ROBO1: variants seen among roughly 807,000 people sequenced by gnomAD.
ROBO1 encodes the protein roundabout guidance receptor 1, also known as roundabout homolog 1.
In ROBO1, 149 loss-of-function variants were observed where a neutral mutation model predicts 195.9. The observed-to-expected ratio is 0.76, with a 90% CI of 0.67 to 0.87. The LOEUF (loss-of-function observed/expected upper bound fraction) is 0.87. Ranked by LOEUF, ROBO1 falls within the 40% of genes least tolerant of loss-of-function variation. The pLI, the probability that ROBO1 is intolerant of heterozygous loss-of-function variation, is 0.00. For synonymous variants in ROBO1, 816 were observed against 733.2 expected, an observed-to-expected ratio of 1.11 and a Z score of -1.82; for missense variants, 1,933 against 2,068.3, an observed-to-expected ratio of 0.93 and a Z score of 1.27.
intron 4 of ROBO1, among the ~76,000 whole-genome samples, chr3:78,775,047 CAT>C (rs1435877342): frequency 1.3e-5 from 2 of 152,136 alleles, no homozygotes; most frequent in Non-Finnish European, 2.9e-5. Context: ...GTAGATTTGA[CAT>C]GTCTGATTTT....
intron 3 of ROBO1, among the ~76,000 whole-genome samples, chr3:79,055,455 A>G (rs999534228): frequency 2.0e-5 from 3 of 151,970 alleles, no homozygotes; most frequent in African/African-American, 7.2e-5. Flanking sequence ...CCTCACTTAA[A>G]CATCCTGCTA....
chr3:79,662,031 C>T (rs1037831968), intron 1 of ROBO1, among the ~76,000 whole-genome samples: 1 of 151,734 alleles, frequency 6.6e-6, no homozygotes, highest in East Asian at 1.9e-4. Flanking sequence ...AAGAGCAGTC[C>T]TTTTTTACAG....
chr3:79,569,645 A>ATG (rs112113543), intron 2 of ROBO1, among the ~76,000 whole-genome samples: 5,157 of 142,180 alleles, frequency 0.036, 191 homozygotes, highest in East Asian at 0.11. Context: ...ATGTATAGAT[A>ATG]TGTGTGTGTG....
At chr3:79,120,107 C>T (rs2080088382) in intron 3 of ROBO1, among the ~76,000 whole-genome samples, 1 of 151,964 alleles carries the variant, frequency 6.6e-6, no homozygotes, top group East Asian at 1.9e-4. Flanking sequence ...GATAGTATAC[C>T]TCATATACCC....
At chr3:79,539,359 A>G (rs1341842668) in intron 2 of ROBO1, among the ~76,000 whole-genome samples, 3 of 152,142 alleles carry the variant, frequency 2.0e-5, no homozygotes, top group African/African-American at 7.2e-5. Context: ...CAAATGCAAC[A>G]TGGAAGCACA....
At chr3:79,231,567 T>A (rs747991668) in intron 2 of ROBO1, among the ~76,000 whole-genome samples, 27 of 151,952 alleles carry the variant, frequency 1.8e-4, no homozygotes, top group Non-Finnish European at 2.8e-4. Flanking sequence ...AAATAACAGA[T>A]GCTGGCAAGG....
chr3:79,080,781 A>AT (rs1285268026), intron 3 of ROBO1, among the ~76,000 whole-genome samples: 2 of 152,126 alleles, frequency 1.3e-5, no homozygotes, highest in African/African-American at 4.8e-5. Context: ...TCTGACCAAA[A>AT]TAAGTCCAGT....
chr3:79,117,386 A>C (rs377143508), intron 3 of ROBO1, among the ~76,000 whole-genome samples: 99 of 152,166 alleles, frequency 6.5e-4, no homozygotes, highest in African/African-American at 1.7e-3. Context: ...AAAACAAAAA[A>C]AAAAAGAGCA....
chr3:79,081,039 G>A (rs1310848590), intron 3 of ROBO1, among the ~76,000 whole-genome samples: 4 of 151,972 alleles, frequency 2.6e-5, no homozygotes, highest in South Asian at 2.1e-4. Flanking sequence ...TGAAACCATA[G>A]AAGAAAATTT....
intron 4 of ROBO1, among the ~76,000 whole-genome samples, chr3:78,749,034 T>C (rs1483570728): frequency 2.0e-4 from 30 of 152,172 alleles, no homozygotes; most frequent in Non-Finnish European, 2.9e-5. Flanking sequence ...TTTATAAACT[T>C]ATATTATTAT....
chr3:79,119,052 A>T (rs1016605240), intron 3 of ROBO1, among the ~76,000 whole-genome samples: 9 of 152,316 alleles, frequency 5.9e-5, no homozygotes, highest in African/African-American at 2.2e-4. Flanking sequence ...GGAAAATATT[A>T]TCAAATTACT....
At chr3:79,081,003 T>G (rs2108461685) in intron 3 of ROBO1, among the ~76,000 whole-genome samples, 1 of 152,100 alleles carries the variant, frequency 6.6e-6, no homozygotes, top group Admixed American at 6.6e-5. Context: ...AATTGAAGAG[T>G]TATGCCTCAC....
chr3:79,453,176 T>C (rs2039503375), intron 2 of ROBO1, among the ~76,000 whole-genome samples: 1 of 151,892 alleles, frequency 6.6e-6, no homozygotes, highest in African/African-American at 2.4e-5. Context: ...AAGACTTCAG[T>C]GAATAGAGGC....
At chr3:79,160,223 C>T (rs1197799775) in intron 2 of ROBO1, among the ~76,000 whole-genome samples, 1 of 147,224 alleles carries the variant, frequency 6.8e-6, no homozygotes, top group African/African-American at 2.6e-5. Context: ...CTGTTCATTG[C>T]CTTTAAAAAA....
chr3:79,381,409 C>T (rs939546131), intron 2 of ROBO1, among the ~76,000 whole-genome samples: 1 of 143,298 alleles, frequency 7.0e-6, no homozygotes, highest in African/African-American at 2.6e-5. Flanking sequence ...AAAAGAAATG[C>T]TCATTATAAG....
chr3:78,870,023 T>C (rs765288320), intron 4 of ROBO1, among the ~76,000 whole-genome samples: 1 of 152,206 alleles, frequency 6.6e-6, no homozygotes, highest in Non-Finnish European at 1.5e-5. Flanking sequence ...GGCCTTTCTA[T>C]AGCTTTTGGA....
At chr3:79,729,592 A>C (rs1017428400) in intron 1 of ROBO1, among the ~76,000 whole-genome samples, 2 of 152,212 alleles carry the variant, frequency 1.3e-5, no homozygotes, top group Non-Finnish European at 2.9e-5. Context: ...GGTTATATCC[A>C]TCCAATTGCT....
intron 4 of ROBO1, among the ~76,000 whole-genome samples, chr3:78,910,674 C>T (rs1323409012): frequency 6.6e-6 from 1 of 151,936 alleles, no homozygotes; most frequent in African/African-American, 2.4e-5. Flanking sequence ...ATGACCCTCT[C>T]AAGTCAACTA....
At chr3:78,825,934 G>A (rs916729968) in intron 4 of ROBO1, among the ~76,000 whole-genome samples, 1 of 152,126 alleles carries the variant, frequency 6.6e-6, no homozygotes, top group Non-Finnish European at 1.5e-5. Flanking sequence ...AGATTACTTT[G>A]CTGTGGTTAC....
Sources: gnomAD v4.1 joint callset for allele counts (sites outside exome capture counted in the v4.1 genomes callset) on GRCh38, gnomAD v4.1.1 for gene constraint, MANE v1.5 for transcripts, NCBI Gene and HGNC (gene_info 2026-07-23, HGNC 2026-07-21) for gene names.